The following PRKG1 variants were observed in gnomAD, a reference collection of about 807,000 sequenced individuals.
PRKG1 encodes the protein cGMP-dependent protein kinase 1.
Under a neutral mutation model 88.1 loss-of-function variants are expected in PRKG1, and 35 were observed. The observed-to-expected ratio is 0.40, with a 90% confidence interval of 0.30 to 0.53. The LOEUF (loss-of-function observed/expected upper bound fraction) is 0.53. PRKG1 is among the 20% of genes least tolerant of loss of function. The probability of loss-of-function intolerance (pLI) is 0.59; values close to 1 mark genes in which losing one functional copy is unlikely to be tolerated. For synonymous variants in PRKG1, 303 were observed against 292.5 expected (o/e 1.04, Z -0.37); for missense variants, 540 against 839.8 (o/e 0.64, Z 4.41).
At chr10:52,293,423 T>C (rs1251383029) in intron 17 of PRKG1, among the ~76,000 whole-genome samples, 1 of 151,558 alleles carries the variant, frequency 6.6e-6, no homozygotes, top group Non-Finnish European at 1.5e-5. Flanking sequence ...TTAAAGTTCA[T>C]ATGGAACCAA....
intron 3 of PRKG1, among the ~76,000 whole-genome samples, chr10:51,516,490 C>T (rs569110334): frequency 2.0e-5 from 3 of 152,180 alleles, no homozygotes; most frequent in East Asian, 1.9e-4. Flanking sequence ...TAGAAGTTCC[C>T]ACTTTGGGCC....
At chr10:51,525,187 A>G (rs1841847006) in intron 3 of PRKG1, among the ~76,000 whole-genome samples, 1 of 150,988 alleles carries the variant, frequency 6.6e-6, no homozygotes, top group African/African-American at 2.4e-5. Context: ...AGGAGGAGGG[A>G]GAGTAGGAGG....
chr10:51,209,898 A>G (rs992643402), intron 2 of PRKG1, among the ~76,000 whole-genome samples: 1 of 152,164 alleles, frequency 6.6e-6, no homozygotes, highest in Non-Finnish European at 1.5e-5. Context: ...TTTCATACCT[A>G]TTACTTTTCC....
chr10:51,317,484 C>T lies in PRKG1; in HGVS notation c.479-150239C>T, dbSNP rs144424550. ...CTAACACGCACACAAACACCCTTGGCTCTCCTTATGTGTAAATGACATTAA... is the reference window on the plus strand; with the variant it reads ...CTAACACGCACACAAACACCCTTGGTTCTCCTTATGTGTAAATGACATTAA... On this transcript the variant is annotated intron_variant, in intron 2 of 17. Coordinates refer to ENST00000373980, the MANE Select transcript of PRKG1 (RefSeq NM_006258.4). Among the ~76,000 whole-genome samples, 418 of 152,280 alleles carry T rather than the reference C, an allele frequency of 2.7e-3. 2 individuals are homozygous for T. The highest frequency in any genetic ancestry group is 5.0e-3 in the Non-Finnish European group (342 of 68,020).
At chr10:51,258,242 A>C (rs76633842) in intron 2 of PRKG1, among the ~76,000 whole-genome samples, 3,133 of 152,292 alleles carry the variant, frequency 0.021, 43 homozygotes, top group Middle Eastern at 0.044. Context: ...GTTCTTTTTC[A>C]GTAATTTAGA....
chr10:51,576,929 C>T (rs1231257251), intron 3 of PRKG1, among the ~76,000 whole-genome samples: 1 of 151,656 alleles, frequency 6.6e-6, no homozygotes, highest in African/African-American at 2.4e-5. Flanking sequence ...TATTAGAATC[C>T]CATAATATTA....
rs145970907 is a variant in PRKG1, at chr10:51,361,665, A to G, written c.479-106058A>G. 1.2e-3 allele frequency among the ~76,000 whole-genome samples: 184 copies of G among 151,934 alleles called. 2 individuals carry two copies. The highest frequency in any genetic ancestry group is 3.9e-3 in the African/African-American group (162 of 41,510). ...CATGCATGATAATGATCATACAGTT[A>G]CTTCTGAAATGCCAAATTATTACCT... On this transcript the variant is annotated intron_variant, in intron 2 of 17. Coordinates refer to ENST00000373980, the MANE Select transcript of PRKG1 (RefSeq NM_006258.4).
intron 1 of PRKG1, among the ~76,000 whole-genome samples, chr10:51,117,519 T>G (rs1845157122): frequency 6.6e-6 from 1 of 152,232 alleles, no homozygotes; most frequent in Admixed American, 6.5e-5. Context: ...TGGGCATTAT[T>G]TATGGTGCTT....
intron 8 of PRKG1, among the ~76,000 whole-genome samples, chr10:52,146,549 C>A (rs2094070759): frequency 6.6e-6 from 1 of 152,064 alleles, no homozygotes; most frequent in South Asian, 2.1e-4. Context: ...TGTCAGGTTG[C>A]AAAACACACA....
intron 2 of PRKG1, among the ~76,000 whole-genome samples, chr10:51,278,128 A>G (rs1201629266): frequency 6.6e-6 from 1 of 152,212 alleles, no homozygotes. Flanking sequence ...GATACGTCCC[A>G]TCAATACCTA....
chr10:52,072,158 C>CTTTTTTTTTTTTTTTTTTTTTTT (rs60576406), intron 7 of PRKG1, among the ~76,000 whole-genome samples: 11 of 39,566 alleles, frequency 2.8e-4, no homozygotes, highest in Admixed American at 4.4e-4. Context: ...TATTGTTTTG[C>CTTTTTTTTTTTTTTTTTTTTTTT]TTTTTTTTTT....
chr10:51,141,615 C>A (rs571012363), intron 1 of PRKG1, among the ~76,000 whole-genome samples: 2 of 152,188 alleles, frequency 1.3e-5, no homozygotes, highest in Admixed American at 6.5e-5. Context: ...CTGAAAGGGA[C>A]AAAGTTTTAA....
chr10:51,986,270 A>G (rs1458940680), intron 5 of PRKG1, among the ~76,000 whole-genome samples: 1 of 152,242 alleles, frequency 6.6e-6, no homozygotes, highest in Admixed American at 6.5e-5. Context: ...ACTAGGAATT[A>G]ACCTCACCAC....
At chr10:51,899,642 C>G (rs138203513) in intron 4 of PRKG1, among the ~76,000 whole-genome samples, 14 of 119,660 alleles carry the variant, frequency 1.2e-4, no homozygotes, top group Middle Eastern at 4.7e-3. Context: ...TGGGCGACAG[C>G]GTGAGAGTCT....
At chr10:51,589,058 T>C (rs539297523) in intron 3 of PRKG1, among the ~76,000 whole-genome samples, 72 of 152,276 alleles carry the variant, frequency 4.7e-4, no homozygotes, top group African/African-American at 1.7e-3. Flanking sequence ...TTGTTTTGTC[T>C]CGAAACCATT....
intron 2 of PRKG1, among the ~76,000 whole-genome samples, chr10:51,212,674 G>C (rs558302731): frequency 4.6e-5 from 7 of 152,046 alleles, no homozygotes; most frequent in African/African-American, 9.7e-5. Flanking sequence ...ACAGACACTT[G>C]TCAAAAGAAG....
chr10:51,275,052 GTCTT>G (rs1284672863), intron 2 of PRKG1, among the ~76,000 whole-genome samples: 1 of 152,214 alleles, frequency 6.6e-6, no homozygotes, highest in Non-Finnish European at 1.5e-5. Context: ...GAATGACTCA[GTCTT>G]TCTAACAGGA....
chr10:51,438,291 A>G (rs917543597), intron 2 of PRKG1, among the ~76,000 whole-genome samples: 6 of 151,932 alleles, frequency 3.9e-5, no homozygotes, highest in Non-Finnish European at 7.4e-5. Flanking sequence ...ATTTTTTATA[A>G]TTAACAAACC....
At chr10:52,177,465 T>A (rs1422249252) in intron 9 of PRKG1, among the ~76,000 whole-genome samples, 1 of 152,164 alleles carries the variant, frequency 6.6e-6, no homozygotes, top group African/African-American at 2.4e-5. Flanking sequence ...GTAGATTAAT[T>A]TCTTGATTGT....
Sources: gnomAD v4.1 joint callset for allele counts (sites outside exome capture counted in the v4.1 genomes callset) on GRCh38, gnomAD v4.1.1 for gene constraint, MANE v1.5 for transcripts, NCBI Gene and HGNC (gene_info 2026-07-23, HGNC 2026-07-21) for gene names.